C1orf21: variants seen among roughly 807,000 people sequenced by gnomAD.
The protein encoded by C1orf21 is chromosome 1 open reading frame 21.
In C1orf21, 3 loss-of-function variants were observed where a neutral mutation model predicts 18.7. That is an observed-to-expected ratio of 0.16 (90% CI 0.07 to 0.42). The LOEUF is 0.42. Ranked by LOEUF, C1orf21 falls within the 10% of genes least tolerant of loss-of-function variation. C1orf21 has a pLI of 0.99. For missense variants in C1orf21, 104 were observed against 143.6 expected, an observed-to-expected ratio of 0.72 and a Z score of 1.41; for synonymous variants, 41 against 46.4, an observed-to-expected ratio of 0.88 and a Z score of 0.47.
intron 2 of C1orf21, among the ~76,000 whole-genome samples, chr1:184,492,448 T>A (rs1393264785): frequency 2.0e-5 from 3 of 152,374 alleles, no homozygotes; most frequent in African/African-American, 7.2e-5. Context: ...TTATATATGA[T>A]TATTGCTTTG....
At chr1:184,414,217 G>A (rs952863060) in intron 1 of C1orf21, among the ~76,000 whole-genome samples, 3 of 152,050 alleles carry the variant, frequency 2.0e-5, no homozygotes, top group Non-Finnish European at 4.4e-5. Flanking sequence ...CCGTGGCCTC[G>A]ACTCCCAGGC....
At chr1:184,412,737 G>A (rs901865596) in intron 1 of C1orf21, among the ~76,000 whole-genome samples, 5 of 152,218 alleles carry the variant, frequency 3.3e-5, no homozygotes, top group Non-Finnish European at 7.3e-5. Flanking sequence ...GAGCCCAGGA[G>A]TTCAAGGTTG....
At chr1:184,431,345 C>A (rs1656759675) in intron 1 of C1orf21, among the ~76,000 whole-genome samples, 1 of 152,130 alleles carries the variant, frequency 6.6e-6, no homozygotes, top group Non-Finnish European at 1.5e-5. Flanking sequence ...CTTTGACAAA[C>A]CTGATAAAAA....
rs750610281 is a variant in C1orf21, at chr1:184,569,970, C to T, written c.190-20769C>T. ...AGTAGCATGGACACTGCAGTCTGGT[C>T]TATCCAAATCATCCTCGAAACTGCA... On this transcript the variant is annotated intron_variant, in intron 3 of 5. Coordinates refer to ENST00000235307, the MANE Select transcript of C1orf21 (RefSeq NM_030806.4). Among the ~76,000 whole-genome samples, 24 of 152,154 alleles carry T rather than the reference C, an allele frequency of 1.6e-4. 1 individual carries two copies. Among genetic ancestry groups the T allele is most frequent in the Non-Finnish European group, 2.9e-4 (20 of 68,014 alleles).
rs148364570 is a variant in C1orf21, at chr1:184,552,007, CAA to C, written c.190-38731_190-38730del. Among the ~76,000 whole-genome samples the C allele has an allele frequency of 2.9e-3, 402 of 140,810 alleles. 1 individual carries two copies. The highest frequency in any genetic ancestry group is 0.01 in the African/African-American group (380 of 37,840). The allele number at this position is 140,810 out of a possible 152,430, so 92.4% of individuals were successfully genotyped here. On this transcript the variant is annotated intron_variant, in intron 3 of 5. Coordinates refer to ENST00000235307, the MANE Select transcript of C1orf21 (RefSeq NM_030806.4). ...ACGTTTTTTTAAAACAAAAAGAAAA[CAA>C]GAGGGCTTTGGGCAGGCTATGGATG... is the stretch of plus-strand genomic sequence containing the variant.
At chr1:184,595,181 A>G (rs908934510) in intron 4 of C1orf21, among the ~76,000 whole-genome samples, 4 of 152,242 alleles carry the variant, frequency 2.6e-5, no homozygotes, top group Non-Finnish European at 5.9e-5. Flanking sequence ...TTATTGGTTA[A>G]GTCAGGTACC....
chr1:184,574,994 T>G (rs1470350189), intron 3 of C1orf21, among the ~76,000 whole-genome samples: 2 of 152,176 alleles, frequency 1.3e-5, no homozygotes, highest in African/African-American at 4.8e-5. Context: ...TTAAGAAAGC[T>G]TCTAAAAGGC....
intron 1 of C1orf21, among the ~76,000 whole-genome samples, chr1:184,433,838 C>T (rs530576497): frequency 8.5e-5 from 13 of 152,248 alleles, no homozygotes; most frequent in African/African-American, 3.1e-4. Context: ...TCTTTCAATC[C>T]TAGGAACAAT....
At chr1:184,614,048 A>G (rs568409998) in intron 5 of C1orf21, among the ~76,000 whole-genome samples, 31 of 152,334 alleles carry the variant, frequency 2.0e-4, no homozygotes, top group African/African-American at 7.2e-4. Flanking sequence ...GAAGCCAGCC[A>G]GGACAGAGTG....
At chr1:184,569,984 C>T (rs1659087198) in intron 3 of C1orf21, among the ~76,000 whole-genome samples, 1 of 152,172 alleles carries the variant, frequency 6.6e-6, no homozygotes, top group Admixed American at 6.5e-5. Context: ...CCAAATCATC[C>T]TCGAAACTGC....
intron 3 of C1orf21, among the ~76,000 whole-genome samples, chr1:184,522,586 C>T (rs767072488): frequency 6.6e-6 from 1 of 152,046 alleles, no homozygotes; most frequent in Non-Finnish European, 1.5e-5. Context: ...CTGAAAAGCT[C>T]CAGTGACCAA....
chr1:184,550,914 G>A (rs1480980261), intron 3 of C1orf21, among the ~76,000 whole-genome samples: 1 of 152,208 alleles, frequency 6.6e-6, no homozygotes, highest in East Asian at 1.9e-4. Context: ...AGATAGTTCA[G>A]TCAGTGACAT....
intron 1 of C1orf21, among the ~76,000 whole-genome samples, chr1:184,399,271 C>G (rs984715227): frequency 1.3e-5 from 2 of 150,982 alleles, no homozygotes; most frequent in African/African-American, 4.9e-5. Flanking sequence ...TCATGTATTT[C>G]CTGTAAACTA....
chr1:184,394,233 A>G (rs939285508), intron 1 of C1orf21, among the ~76,000 whole-genome samples: 6 of 152,226 alleles, frequency 3.9e-5, no homozygotes, highest in African/African-American at 1.4e-4. Context: ...CAGGGAGATG[A>G]TGGTTTTTAA....
chr1:184,498,832 A>G (rs930535041), intron 2 of C1orf21, among the ~76,000 whole-genome samples: 7 of 152,228 alleles, frequency 4.6e-5, no homozygotes, highest in African/African-American at 1.7e-4. Flanking sequence ...AATTTACTTC[A>G]CTACCCATTT....
At chr1:184,392,389 G>T (rs1442670722) in intron 1 of C1orf21, among the ~76,000 whole-genome samples, 1 of 152,148 alleles carries the variant, frequency 6.6e-6, no homozygotes, top group Non-Finnish European at 1.5e-5. Context: ...GCTAAACAGT[G>T]TGTACACATG....
chr1:184,543,798 C>G (rs573574479), intron 3 of C1orf21, among the ~76,000 whole-genome samples: 1 of 152,270 alleles, frequency 6.6e-6, no homozygotes, highest in Non-Finnish European at 1.5e-5. Flanking sequence ...AGATGCTTTT[C>G]TCTAGCAAGG....
At chr1:184,510,810 C>T (rs1456302204) in intron 3 of C1orf21, among the ~76,000 whole-genome samples, 2 of 152,074 alleles carry the variant, frequency 1.3e-5, no homozygotes, top group African/African-American at 4.8e-5. Flanking sequence ...AATGGGATTA[C>T]AATTCAGGAA....
At chr1:184,567,694 C>A in intron 3 of C1orf21, 2 of 370,670 alleles carry the variant, frequency 5.4e-6, no homozygotes, top group Non-Finnish European at 1.1e-5. Context: ...AGAGATTTTT[C>A]CAGGGCTGCT....
Sources: gnomAD v4.1 joint callset for allele counts (sites outside exome capture counted in the v4.1 genomes callset) on GRCh38, gnomAD v4.1.1 for gene constraint, MANE v1.5 for transcripts, NCBI Gene and HGNC (gene_info 2026-07-23, HGNC 2026-07-21) for gene names.